Variants in ADGRA1 observed in about 807,000 individuals in gnomAD.
The protein encoded by ADGRA1 is adhesion G protein-coupled receptor A1, also known as G-protein coupled receptor 123.
Under a neutral mutation model 21.3 loss-of-function variants are expected in ADGRA1, and 12 were observed. The observed-to-expected ratio is 0.56, with a 90% CI of 0.36 to 0.91. The LOEUF (loss-of-function observed/expected upper bound fraction) is 0.91. Ranked by LOEUF, ADGRA1 falls within the 40% of genes least tolerant of loss-of-function variation. The pLI is 0.01. For missense variants in ADGRA1, 790 were observed against 805.6 expected, an observed-to-expected ratio of 0.98 and a Z score of 0.23; for synonymous variants, 385 against 368.8, an observed-to-expected ratio of 1.04 and a Z score of -0.50.
chr10:133,093,706 C>T (rs1851641199), intron 2 of ADGRA1, among the ~76,000 whole-genome samples: 1 of 152,218 alleles, frequency 6.6e-6, no homozygotes, highest in Non-Finnish European at 1.5e-5. Flanking sequence ...GTGTTCTTCA[C>T]CCCCCAGGAG....
At chr10:133,110,738 C>G (rs1278397913) in intron 5 of ADGRA1, among the ~76,000 whole-genome samples, 1 of 152,232 alleles carries the variant, frequency 6.6e-6, no homozygotes, top group Non-Finnish European at 1.5e-5. Flanking sequence ...ATGCCCATGT[C>G]TGAACAATTA....
At position 133,128,972 on chromosome 10, in the gene ADGRA1, C is replaced by G. The variant is rs746067991; in HGVS notation, c.1144C>G (p.Pro382Ala). The change falls in exon 7 of 7, where the codon CCG (proline) becomes GCG (alanine). Residue 382 changes from proline (P) to alanine (A), a missense_variant. By Grantham distance (27) the Pro-to-Ala change is conservative. Transcript: ENST00000392607. The stretch of plus-strand genomic sequence containing the variant: ...CGCCAGTTGCCTGTCACCGGCCACC[C>G]CGTGCTGCGCCAAGATGCACTGCGA... ...GHASCLSPAT[P>A]CCAKMHCEPL... 10 of 1,558,716 alleles carry G rather than the reference C, an allele frequency of 6.4e-6. No individual in the cohort carries two copies. Among genetic ancestry groups the G allele is most frequent in the Non-Finnish European group, 8.7e-6 (10 of 1,153,128 alleles).
intron 2 of ADGRA1, among the ~76,000 whole-genome samples, chr10:133,094,532 G>A (rs931406318): frequency 4.6e-5 from 7 of 152,182 alleles, no homozygotes; most frequent in African/African-American, 1.7e-4. Context: ...GGCCGTGAGA[G>A]GACGCGTGAG....
chr10:133,108,980 C>T (rs1183160904), intron 5 of ADGRA1, among the ~76,000 whole-genome samples: 1 of 150,230 alleles, frequency 6.7e-6, no homozygotes, highest in African/African-American at 2.5e-5. Flanking sequence ...GGTCCCAGCT[C>T]CACTTAGCCC....
chr10:133,110,159 G>A (rs1476544865), intron 5 of ADGRA1, among the ~76,000 whole-genome samples: 2 of 152,234 alleles, frequency 1.3e-5, no homozygotes, highest in African/African-American at 4.8e-5. Flanking sequence ...CTCCTGTCCT[G>A]GGAGACGGCA....
At chr10:133,093,504 C>T (rs1005526189) in intron 2 of ADGRA1, among the ~76,000 whole-genome samples, 14 of 152,188 alleles carry the variant, frequency 9.2e-5, no homozygotes, top group Non-Finnish European at 1.6e-4. Context: ...CTGTTGGCTC[C>T]GAGGCCGGCA....
chr10:133,106,414 T>C (rs1851894342), intron 5 of ADGRA1, among the ~76,000 whole-genome samples: 1 of 152,228 alleles, frequency 6.6e-6, no homozygotes, highest in South Asian at 2.1e-4. Context: ...AGGCCCAAGC[T>C]GTGGTCCTGC....
chr10:133,129,396 G>T lies in ADGRA1; in HGVS notation c.1568G>T (p.Gly523Val). The T allele has an allele frequency of 4.4e-6, 7 of 1,606,026 alleles. No homozygotes were observed. The highest frequency in any genetic ancestry group is 5.1e-6 in the Non-Finnish European group (6 of 1,178,926). The change falls in exon 7 of 7, where the codon GGT becomes GTT. Residue 523 changes from glycine to valine, a missense_variant. Gly to Val is a moderately radical substitution (Grantham distance 109). This residue lies in a region of ADGRA1 where 391 missense variants were observed against 351.5 expected (regional missense o/e 1.11). Coordinates refer to ENST00000392607, the MANE Select transcript of ADGRA1 (RefSeq NM_001083909.3). Reference sequence around the variant, plus strand: ...CGGAGGACACAGTCCCTGCCCTTTGGTGGCCCCAGCCAGAACGGGCTGCCC... The same window carrying T: ...CGGAGGACACAGTCCCTGCCCTTTGTTGGCCCCAGCCAGAACGGGCTGCCC... The part of the protein sequence containing the change: ...MLRRTQSLPF[G>V]GPSQNGLPKG...
Position 133,129,438 on chromosome 10 carries a change from A to G in ADGRA1, c.1610A>G (p.Glu537Gly). 1 of 1,603,262 alleles carries G rather than the reference A, an allele frequency of 6.2e-7. No individual in the cohort carries two copies. The highest frequency in any genetic ancestry group is 8.5e-7 in the Non-Finnish European group (1 of 1,179,796). Residue 537 changes from glutamate (E) to glycine (G), a missense_variant, in exon 7 of 7, where the codon GAA becomes GGA. By Grantham distance (98) the Glu-to-Gly change is moderately conservative. This residue lies in a region of ADGRA1 where 391 missense variants were observed against 351.5 expected (regional missense o/e 1.11). Coordinates refer to ENST00000392607, the MANE Select transcript of ADGRA1 (RefSeq NM_001083909.3). ...GGGCTGCCCAAGGGTAAATTGCTAG[A>G]AGGCCTGCCGTTTGGCACCGACGGG... ...QNGLPKGKLL[E>G]GLPFGTDGTG... is the part of the protein sequence containing the mutation.
At chr10:133,092,126 G>A (rs1851605113) in intron 2 of ADGRA1, among the ~76,000 whole-genome samples, 1 of 152,244 alleles carries the variant, frequency 6.6e-6, no homozygotes, top group South Asian at 2.1e-4. Flanking sequence ...GCCAGGAATG[G>A]GCATTCAGGA....
chr10:133,102,777 G>T lies in ADGRA1; in HGVS notation c.336G>T (p.Val112=). The change falls in exon 5 of 7, where the codon GTG becomes GTT. Residue 112 remains valine (V), a synonymous_variant. Transcript: ENST00000392607. The stretch of plus-strand genomic sequence containing the variant: ...CCGCCAGGAACATCTACAAGCAGGT[G>T]ACCAAGAAGGCCCCTCTGTGCCTGG... ...GVTARNIYKQ[V]TKKAPLCLDT... 6.2e-7 allele frequency: 1 copy of T among 1,612,862 alleles called. No homozygotes were observed. The highest frequency in any genetic ancestry group is 1.1e-5 in the South Asian group (1 of 91,076).
chr10:133,122,640 G>T lies in ADGRA1; in HGVS notation c.402-4593G>T, dbSNP rs573051224. On this transcript the variant is annotated intron_variant, in intron 5 of 6. Transcript: ENST00000392607. ...GGAAGATGCCAGACACACCAGCACCGCCCAGGAACCTGCTGTCTTGGCCGG... is the reference window on the plus strand; with the variant it reads ...GGAAGATGCCAGACACACCAGCACCTCCCAGGAACCTGCTGTCTTGGCCGG... Among the ~76,000 whole-genome samples, 8 of 152,294 alleles carry T rather than the reference G, an allele frequency of 5.3e-5. No homozygotes were observed. In the South Asian group the frequency reaches 1.0e-3, roughly 20 times the overall value.
In ADGRA1 at chr10:133,128,938, G is replaced by A. The variant is rs749288080; in HGVS notation, c.1110G>A (p.Ala370=). The A allele has an allele frequency of 1.6e-5, 25 of 1,555,774 alleles. No homozygotes were observed. Among genetic ancestry groups the A allele is most frequent in the Admixed American group, 5.6e-5 (3 of 53,796 alleles). ...GCAAGATGACCAACCTGCAGGCCGC[G>A]CAGGGCCACGCCAGTTGCCTGTCAC... is the stretch of plus-strand genomic sequence containing the variant. ...GPCKMTNLQA[A]QGHASCLSPA... The change falls in exon 7 of 7, where the codon GCG becomes GCA. Residue 370 remains alanine (A), a synonymous_variant. Transcript: ENST00000392607.
At chr10:133,104,096 G>A (rs980993846) in intron 5 of ADGRA1, among the ~76,000 whole-genome samples, 8 of 152,224 alleles carry the variant, frequency 5.3e-5, no homozygotes, top group Admixed American at 1.3e-4. Context: ...GTCCAAAACG[G>A]TCTGAAGAAT....
At position 133,088,724 on chromosome 10, in the gene ADGRA1, G is replaced by A; in HGVS notation, c.-186G>A. On this transcript the variant is annotated 5_prime_UTR_variant, in exon 2 of 7. Transcript: ENST00000392607. ...TCTTCACAGATGGGAGCAGCTCCCG[G>A]ACTGCGCCCGCCCCGCCGCGGTCAC... 8.1e-7 allele frequency: 1 copy of A among 1,229,012 alleles called. No homozygotes were observed. The highest frequency in any genetic ancestry group is 1.0e-6 in the Non-Finnish European group (1 of 986,868). 76.1% of individuals were successfully genotyped at this position (1,229,012 alleles called of 1,614,324 possible).
intron 2 of ADGRA1, among the ~76,000 whole-genome samples, chr10:133,094,369 C>A (rs1224485559): frequency 6.6e-6 from 1 of 152,244 alleles, no homozygotes; most frequent in Non-Finnish European, 1.5e-5. Flanking sequence ...GGCAGCGGGA[C>A]AGGACGCGGC....
intron 2 of ADGRA1, among the ~76,000 whole-genome samples, chr10:133,090,140 C>T (rs1262466896): frequency 3.3e-5 from 5 of 152,248 alleles, no homozygotes; most frequent in East Asian, 1.9e-4. Flanking sequence ...TGCCGCAGCC[C>T]GGGGGTCCCT....
At chr10:133,127,914 A>C (rs12252867) in intron 6 of ADGRA1, among the ~76,000 whole-genome samples, 5,206 of 76,412 alleles carry the variant, frequency 0.068, 851 homozygotes, top group East Asian at 0.3. Context: ...CACGCCCACC[A>C]GGCTCCACCC....
At chr10:133,118,502 C>T (rs549009530) in intron 5 of ADGRA1, among the ~76,000 whole-genome samples, 2 of 152,246 alleles carry the variant, frequency 1.3e-5, no homozygotes, top group South Asian at 4.2e-4. Context: ...AAGGGGAGGC[C>T]TCAGGAAACT....
Sources: allele counts gnomAD v4.1 joint callset (sites outside exome capture counted in the v4.1 genomes callset), GRCh38; gene constraint gnomAD v4.1.1; regional missense constraint gnomAD v4.1.1; transcripts MANE v1.5; gene names NCBI Gene and HGNC (gene_info 2026-07-23, HGNC 2026-07-21).